ELOVL6: variants seen among roughly 807,000 people sequenced by gnomAD.
ELOVL6 encodes very long chain fatty acid elongase 6.
Under a neutral mutation model 31.7 loss-of-function variants are expected in ELOVL6, and 8 were observed. The ratio of observed to expected loss-of-function variants is 0.25; its 90% confidence interval spans 0.15 to 0.45. The LOEUF (loss-of-function observed/expected upper bound fraction) is 0.45, where lower values mean the gene tolerates loss of function less well. ELOVL6 is among the 20% of genes least tolerant of loss of function. The pLI is 1.00. For missense variants in ELOVL6, 126 were observed against 326.4 expected, an observed-to-expected ratio of 0.39 and a Z score of 4.73; for synonymous variants, 101 against 117.7, an observed-to-expected ratio of 0.86 and a Z score of 0.92.
chr4:110,119,567 TCAGA>T (rs1037718161), intron 1 of ELOVL6, among the ~76,000 whole-genome samples: 3 of 152,172 alleles, frequency 2.0e-5, no homozygotes, highest in African/African-American at 4.8e-5. Context: ...GTAAAACTGG[TCAGA>T]CAGTGTCCGG....
Position 110,051,553 on chromosome 4 carries a change from C to G in ELOVL6, c.583G>C (p.Ala195Pro). 6.2e-7 allele frequency: 1 copy of G among 1,614,182 alleles called. No individual in the cohort carries two copies. Among genetic ancestry groups the G allele is most frequent in the Non-Finnish European group, 8.5e-7 (1 of 1,180,026 alleles). ...AAGFRVSRKF[A>P]MFITLSQITQ... The stretch of plus-strand genomic sequence containing the variant: ...ATCTGGGACAAGGTGATGAACATGG[C>G]AAACTTCCGGGAGACTCGGAAACCT... The change falls in exon 4 of 4, where the codon GCC becomes CCC. Residue 195 changes from alanine (A) to proline (P), a missense_variant. Ala to Pro is a conservative substitution (Grantham distance 27). This residue lies in a region of ELOVL6 where 57 missense variants were observed against 110.2 expected (regional missense o/e 0.52). Coordinates refer to ENST00000302274, the MANE Select transcript of ELOVL6 (RefSeq NM_024090.3). This position sits in a 1 kb window ranked among gnomAD's most constrained non-coding sequence, Gnocchi z 4.8.
intron 1 of ELOVL6, among the ~76,000 whole-genome samples, chr4:110,122,119 G>T (rs1757374275): frequency 1.3e-5 from 2 of 152,238 alleles, no homozygotes; most frequent in South Asian, 4.2e-4. Context: ...TGTCCAAAAG[G>T]ACAATGGCCC....
chr4:110,080,114 A>T (rs191595538), intron 2 of ELOVL6, among the ~76,000 whole-genome samples: 37,631 of 151,908 alleles, frequency 0.25, 4,838 homozygotes, highest in Non-Finnish European at 0.29. Flanking sequence ...TTACCAACCA[A>T]AAAAAGTCCA....
chr4:110,087,792 A>G (rs962559984), intron 2 of ELOVL6, among the ~76,000 whole-genome samples: 1 of 147,146 alleles, frequency 6.8e-6, no homozygotes, highest in South Asian at 2.1e-4. Context: ...CCTGTTACCT[A>G]AAATAAAATT....
chr4:110,084,375 TGATATATATCG>T (rs1756117700), intron 2 of ELOVL6, among the ~76,000 whole-genome samples: 1 of 121,748 alleles, frequency 8.2e-6, no homozygotes, highest in African/African-American at 3.3e-5. Context: ...ATATGATATA[TGATATATATCG>T]CATATATGAT....
intron 1 of ELOVL6, among the ~76,000 whole-genome samples, chr4:110,163,507 T>C (rs758117873): frequency 3.3e-5 from 5 of 152,182 alleles, no homozygotes; most frequent in Non-Finnish European, 7.3e-5. Context: ...TCAATAAATA[T>C]TCATCAAACT....
At chr4:110,183,999 A>ATCAG (rs2126278835) in intron 1 of ELOVL6, among the ~76,000 whole-genome samples, 1 of 152,270 alleles carries the variant, frequency 6.6e-6, no homozygotes, top group South Asian at 2.1e-4. Flanking sequence ...CAATCAATCA[A>ATCAG]TAAAATATAA....
chr4:110,130,670 C>T (rs1757641587), intron 1 of ELOVL6, among the ~76,000 whole-genome samples: 1 of 152,192 alleles, frequency 6.6e-6, no homozygotes, highest in Non-Finnish European at 1.5e-5. Context: ...AAAGTGTCCA[C>T]CATCATCCAT....
chr4:110,180,560 T>G (rs1047296695), intron 1 of ELOVL6, among the ~76,000 whole-genome samples: 4 of 152,152 alleles, frequency 2.6e-5, no homozygotes, highest in African/African-American at 4.8e-5. Context: ...TTATTTTCTC[T>G]TTTTATTTTT....
intron 1 of ELOVL6, among the ~76,000 whole-genome samples, chr4:110,159,629 A>G (rs763311329): frequency 6.6e-6 from 1 of 152,178 alleles, no homozygotes; most frequent in East Asian, 1.9e-4. Flanking sequence ...ACTATCGTGC[A>G]TCTTGGTGTT....
chr4:110,182,181 T>C (rs1456123403), intron 1 of ELOVL6, among the ~76,000 whole-genome samples: 1 of 152,220 alleles, frequency 6.6e-6, no homozygotes. Context: ...ATGTAAAAGT[T>C]GTAATTCTAA....
At position 110,084,402 on chromosome 4, in the gene ELOVL6, A is replaced by C. The variant is rs1343481434; in HGVS notation, c.221+21095T>G. 3.0e-4 allele frequency among the ~76,000 whole-genome samples: 10 copies of C among 32,830 alleles called. 3 individuals carry two copies. The highest frequency in any genetic ancestry group is 7.2e-4 in the Non-Finnish European group (9 of 12,514). 21.5% of individuals were successfully genotyped at this position (32,830 alleles called of 152,430 possible). Reference sequence around the variant, plus strand: ...ATATATATCGCATATATGATATATGATATATGACATACATGATATATCACA... The same window carrying C: ...ATATATATCGCATATATGATATATGCTATATGACATACATGATATATCACA... On this transcript the variant is annotated intron_variant, in intron 2 of 3. Transcript: ENST00000302274.
intron 1 of ELOVL6, among the ~76,000 whole-genome samples, chr4:110,109,956 AG>A (rs1045733539): frequency 1.3e-5 from 2 of 152,180 alleles, no homozygotes; most frequent in African/African-American, 4.8e-5. Context: ...AAAAGCAGTG[AG>A]GGGAAAAAAT....
At chr4:110,164,753 AAAG>A (rs1758722978) in intron 1 of ELOVL6, among the ~76,000 whole-genome samples, 2 of 149,388 alleles carry the variant, frequency 1.3e-5, no homozygotes, top group African/African-American at 5.1e-5. Flanking sequence ...AAAAAAAAAA[AAAG>A]AAAAAAAAAA....
At chr4:110,053,600 T>C (rs1288122563) in intron 3 of ELOVL6, among the ~76,000 whole-genome samples, 1 of 151,922 alleles carries the variant, frequency 6.6e-6, no homozygotes, top group African/African-American at 2.4e-5. Flanking sequence ...AGGTCAGGAG[T>C]TCGAGACCAG....
Position 110,047,617 on chromosome 4 carries a change from C to A in ELOVL6, c.*3721G>T, listed in dbSNP as rs1250860673. 1 of 152,268 alleles carries A rather than the reference C, an allele frequency of 6.6e-6. No homozygotes were observed. The highest frequency in any genetic ancestry group is 1.5e-5 in the Non-Finnish European group (1 of 68,138). The allele number at this position is 152,268 out of a possible 1,614,324, so 9.4% of individuals were successfully genotyped here. ...TTAAAAAAACATTCTGGGCCAGGCA[C>A]GGTGGCTCACGCCTATAATCCCAGC... On this transcript the variant is annotated 3_prime_UTR_variant, in exon 4 of 4. Coordinates refer to ENST00000302274, the MANE Select transcript of ELOVL6 (RefSeq NM_024090.3).
chr4:110,075,373 G>A (rs994094611), intron 2 of ELOVL6, among the ~76,000 whole-genome samples: 6 of 152,154 alleles, frequency 3.9e-5, no homozygotes, highest in Non-Finnish European at 1.5e-5. Flanking sequence ...CAACCTAAAT[G>A]TATCAATGGA....
chr4:110,060,493 A>G (rs1755106405), intron 2 of ELOVL6, among the ~76,000 whole-genome samples: 1 of 152,242 alleles, frequency 6.6e-6, no homozygotes, highest in South Asian at 2.1e-4. Flanking sequence ...GGTGCTCAAT[A>G]AAGACTGTTG....
In ELOVL6 at chr4:110,158,657, A is replaced by ATATATATATATAT; in HGVS notation, c.89+39589_89+39590insATATATATATATA. Among the ~76,000 whole-genome samples the ATATATATATATAT allele has an allele frequency of 2.6e-4, 19 of 74,160 alleles. 1 individual carries two copies. The highest frequency in any genetic ancestry group is 1.4e-3 in the African/African-American group (17 of 12,072). 48.7% of individuals were successfully genotyped at this position (74,160 alleles called of 152,430 possible). ...CGTGTATATATATATATATATATATATTTTTTTTTTTTTTTTTTTTGAGAC... is the reference window on the plus strand; with the variant it reads ...CGTGTATATATATATATATATATATATATATATATATATTTTTTTTTTTTTTTTTTTTTGAGAC... On this transcript the variant is annotated intron_variant, in intron 1 of 3. Transcript: ENST00000302274.
Sources: gnomAD v4.1 joint callset for allele counts (sites outside exome capture counted in the v4.1 genomes callset) on GRCh38, gnomAD v4.1.1 for gene constraint, gnomAD v4.1.1 regional missense constraint, Gnocchi (gnomAD v3.1) non-coding constraint, MANE v1.5 for transcripts, NCBI Gene and HGNC (gene_info 2026-07-23, HGNC 2026-07-21) for gene names.